ARHGAP15: variants seen among roughly 807,000 people sequenced by gnomAD.
ARHGAP15 encodes rho GTPase-activating protein 15.
Under a neutral mutation model 63.7 loss-of-function variants are expected in ARHGAP15, and 51 were observed. The observed-to-expected ratio is 0.80, with a 90% CI of 0.64 to 1.01. ARHGAP15 has a LOEUF of 1.01. Ranked by LOEUF, ARHGAP15 falls within the 50% of genes least tolerant of loss-of-function variation. ARHGAP15 has a pLI of 0.00. For synonymous variants in ARHGAP15, 191 were observed against 193.8 expected (o/e 0.99, Z 0.12); for missense variants, 560 against 564.6 (o/e 0.99, Z 0.08).
intron 6 of ARHGAP15, among the ~76,000 whole-genome samples, chr2:143,365,530 G>A (rs1686257538): frequency 1.3e-5 from 2 of 152,100 alleles, no homozygotes. Context: ...TTAAGCACTC[G>A]AAAATGTGCA....
intron 6 of ARHGAP15, among the ~76,000 whole-genome samples, chr2:143,317,576 A>G (rs996393438): frequency 6.6e-6 from 1 of 152,260 alleles, no homozygotes; most frequent in African/African-American, 2.4e-5. Context: ...TATCTAGAGT[A>G]TTATGCGTGA....
At chr2:143,375,939 G>C in intron 6 of ARHGAP15, among the ~76,000 whole-genome samples, 1 of 152,172 alleles carries the variant, frequency 6.6e-6, no homozygotes, top group Non-Finnish European at 1.5e-5. Flanking sequence ...AGAAAAAGTA[G>C]AAAATGACAA....
chr2:143,246,391 C>T (rs560942881), intron 5 of ARHGAP15, among the ~76,000 whole-genome samples: 9 of 151,826 alleles, frequency 5.9e-5, no homozygotes, highest in Middle Eastern at 3.4e-3. Flanking sequence ...TGTTCCAGCA[C>T]AAGGGCTGTG....
intron 10 of ARHGAP15, among the ~76,000 whole-genome samples, chr2:143,547,937 C>T (rs1695400463): frequency 1.3e-5 from 2 of 152,074 alleles, no homozygotes; most frequent in South Asian, 2.1e-4. Context: ...AATCCCCAAA[C>T]TCTATTGTCA....
Position 143,137,104 on chromosome 2 carries a change from A to G in ARHGAP15, c.-15+7638A>G, listed in dbSNP as rs373095405. Among the ~76,000 whole-genome samples, 14 of 152,126 alleles carry G rather than the reference A, an allele frequency of 9.2e-5. No individual in the cohort carries two copies. The East Asian group carries it at 1.9e-3, about 21-fold the overall frequency. The stretch of plus-strand genomic sequence containing the variant: ...GACTATTATACTTCAAATTAGATTC[A>G]ATCTCCTTTCATGATTTGCAAGGAC... On this transcript the variant is annotated intron_variant, in intron 1 of 13. Transcript: ENST00000295095.
rs1295040915 is a variant in ARHGAP15 at position 143,673,766 on chromosome 2, A to G, written c.1139-29653A>G. 3.8e-4 allele frequency among the ~76,000 whole-genome samples: 36 copies of G among 93,634 alleles called. No individual in the cohort carries two copies. The East Asian group carries it at 5.5e-3, about 14-fold the overall frequency. The allele number at this position is 93,634 out of a possible 152,430, so 61.4% of individuals were successfully genotyped here. ...TGTGTGTGTGTGTGTGTGTATATAT[A>G]TATATATATATATATATAAACAACT... On this transcript the variant is annotated intron_variant, in intron 12 of 13. Transcript: ENST00000295095.
intron 10 of ARHGAP15, among the ~76,000 whole-genome samples, chr2:143,528,815 T>G (rs1308378768): frequency 6.6e-6 from 1 of 152,140 alleles, no homozygotes; most frequent in African/African-American, 2.4e-5. Context: ...TTCTTCCTTT[T>G]GTCTTGAAGG....
intron 13 of ARHGAP15, among the ~76,000 whole-genome samples, chr2:143,745,748 C>A (rs1321317900): frequency 6.6e-6 from 1 of 152,088 alleles, no homozygotes; most frequent in Non-Finnish European, 1.5e-5. Context: ...TTTCAAGTTA[C>A]AGGAAGGAAA....
At chr2:143,747,605 G>A (rs975522789) in intron 13 of ARHGAP15, among the ~76,000 whole-genome samples, 1 of 152,116 alleles carries the variant, frequency 6.6e-6, no homozygotes, top group African/African-American at 2.4e-5. Flanking sequence ...GCCTTTTCCA[G>A]GATGTCAGGT....
intron 6 of ARHGAP15, among the ~76,000 whole-genome samples, chr2:143,273,923 GT>G: frequency 6.6e-6 from 1 of 151,916 alleles, no homozygotes; most frequent in East Asian, 1.9e-4. Flanking sequence ...AATATATTTT[GT>G]ATTTTTTTTC....
At chr2:143,673,748 GTGTGTGTGTGTATATATATATATA>G (rs1176759560) in intron 12 of ARHGAP15, among the ~76,000 whole-genome samples, 4 of 34,148 alleles carry the variant, frequency 1.2e-4, no homozygotes, top group Admixed American at 5.1e-4. Flanking sequence ...GTGTGTGTGT[GTGTGTGTGTGTATATATATATATA>G]TATATATATA....
At chr2:143,153,004 C>A (rs1689888142) in intron 1 of ARHGAP15, among the ~76,000 whole-genome samples, 1 of 151,860 alleles carries the variant, frequency 6.6e-6, no homozygotes, top group Non-Finnish European at 1.5e-5. Flanking sequence ...GGTGGGGAAG[C>A]CAGATAAAAG....
intron 5 of ARHGAP15, among the ~76,000 whole-genome samples, chr2:143,231,075 T>TC (rs1693416925): frequency 6.7e-6 from 1 of 150,112 alleles, no homozygotes; most frequent in South Asian, 2.1e-4. Context: ...ATTCCTTTTT[T>TC]TTTTTTTTTT....
chr2:143,535,269 C>G (rs191777092), intron 10 of ARHGAP15, among the ~76,000 whole-genome samples: 10 of 152,248 alleles, frequency 6.6e-5, no homozygotes, highest in Admixed American at 5.2e-4. Context: ...CTGTTCCTCT[C>G]CCATTATGTA....
At chr2:143,278,224 G>A (rs143642419) in intron 6 of ARHGAP15, among the ~76,000 whole-genome samples, 127 of 152,134 alleles carry the variant, frequency 8.3e-4, no homozygotes, top group African/African-American at 1.9e-3. Context: ...GCCTATTGCC[G>A]GTCCAGAATG....
intron 6 of ARHGAP15, among the ~76,000 whole-genome samples, chr2:143,350,699 C>G (rs1412155523): frequency 6.7e-6 from 1 of 148,152 alleles, no homozygotes; most frequent in Admixed American, 6.7e-5. Flanking sequence ...ATTAGCCAGG[C>G]GTGGTGGTGG....
intron 13 of ARHGAP15, among the ~76,000 whole-genome samples, chr2:143,725,794 C>A (rs2105472848): frequency 6.6e-6 from 1 of 152,274 alleles, no homozygotes; most frequent in South Asian, 2.1e-4. Context: ...ATGCAGGTAA[C>A]TCATTAATGC....
chr2:143,692,882 A>G (rs1683671926), intron 12 of ARHGAP15, among the ~76,000 whole-genome samples: 1 of 152,200 alleles, frequency 6.6e-6, no homozygotes, highest in Non-Finnish European at 1.5e-5. Flanking sequence ...TAGGCAGACT[A>G]ACACACATCA....
chr2:143,554,731 A>G (rs1190564581), intron 10 of ARHGAP15, among the ~76,000 whole-genome samples: 1 of 152,170 alleles, frequency 6.6e-6, no homozygotes, highest in Non-Finnish European at 1.5e-5. Context: ...TACTAAAAGT[A>G]GGAATTAAAT....
Sources: gnomAD v4.1 joint callset for allele counts (sites outside exome capture counted in the v4.1 genomes callset) on GRCh38, gnomAD v4.1.1 for gene constraint, MANE v1.5 for transcripts, NCBI Gene and HGNC (gene_info 2026-07-23, HGNC 2026-07-21) for gene names.